R3HDM2: variants seen among roughly 807,000 people sequenced by gnomAD.
R3HDM2 encodes R3H domain containing 2, also known as R3H domain-containing protein 2.
A neutral mutation model predicts 124.5 loss-of-function variants in R3HDM2; 38 were observed. The observed-to-expected ratio is 0.31, with a 90% confidence interval of 0.24 to 0.40. The LOEUF (loss-of-function observed/expected upper bound fraction) is 0.40, where lower values mean the gene tolerates loss of function less well. Among genes scored for constraint, R3HDM2 ranks in the 10% least tolerant of loss-of-function variants. The probability of loss-of-function intolerance (pLI) is 1.00; values close to 1 mark genes in which losing one functional copy is unlikely to be tolerated. For synonymous variants in R3HDM2, 391 were observed against 448.0 expected, an observed-to-expected ratio of 0.87 and a Z score of 1.61; for missense variants, 869 against 1,236.9, an observed-to-expected ratio of 0.70 and a Z score of 4.46.
intron 12 of R3HDM2, 192 bp downstream of exon 12, chr12:57,288,817 T>C (rs1338554230): frequency 1.3e-6 from 2 of 1,486,060 alleles, no homozygotes; most frequent in South Asian, 2.5e-5. Flanking sequence ...CAAAATAAAA[T>C]TAAAAATAAA....
At chr12:57,360,047 A>ATAT (rs1566328941) in intron 2 of R3HDM2, among the ~76,000 whole-genome samples, 7 of 113,354 alleles carry the variant, frequency 6.2e-5, no homozygotes, top group South Asian at 2.9e-4. Context: ...ATATATATAT[A>ATAT]TTTTTTTTTT....
chr12:57,391,238 GA>G (rs541488361), intron 2 of R3HDM2, among the ~76,000 whole-genome samples: 5 of 152,060 alleles, frequency 3.3e-5, no homozygotes, highest in Non-Finnish European at 5.9e-5. Context: ...CTACACCATG[GA>G]ACGCTACTCA....
chr12:57,304,422 G>A, intron 3 of R3HDM2: 1 of 802,520 alleles, frequency 1.2e-6, no homozygotes, highest in Non-Finnish European at 1.5e-6. Context: ...GGGCGTAGAG[G>A]GAACTGAGGC....
chr12:57,271,194 T>G (rs2043515786), intron 14 of R3HDM2, among the ~76,000 whole-genome samples: 1 of 152,162 alleles, frequency 6.6e-6, no homozygotes, highest in Non-Finnish European at 1.5e-5. Context: ...TTTCCACCTT[T>G]GTTCTCTGAC....
intron 1 of R3HDM2, among the ~76,000 whole-genome samples, chr12:57,396,311 T>G (rs1315612007): frequency 1.3e-5 from 2 of 151,746 alleles, no homozygotes; most frequent in Admixed American, 6.6e-5. Flanking sequence ...CACGGTGGCA[T>G]GTGCCTGTAA....
chr12:57,418,287 C>G, intron 1 of R3HDM2: 1 of 985,384 alleles, frequency 1.0e-6, no homozygotes, highest in Non-Finnish European at 1.2e-6. Context: ...AGCTCTGATT[C>G]CTCTCCTCTA....
intron 2 of R3HDM2, among the ~76,000 whole-genome samples, chr12:57,318,987 A>G (rs1190317564): frequency 1.3e-5 from 2 of 152,192 alleles, no homozygotes; most frequent in African/African-American, 2.4e-5. Flanking sequence ...CCTCTAACTA[A>G]GGGGAGAAAT....
At chr12:57,422,389 G>A (rs983042720) in intron 1 of R3HDM2, among the ~76,000 whole-genome samples, 6 of 152,096 alleles carry the variant, frequency 3.9e-5, no homozygotes, top group African/African-American at 1.4e-4. Flanking sequence ...ATTCCCACAA[G>A]AATCCCATAT....
chr12:57,297,251 TCTC>T (rs1185178466), intron 8 of R3HDM2, 74 bp downstream of exon 8: 2 of 758,892 alleles, frequency 2.6e-6, no homozygotes, highest in Non-Finnish European at 4.4e-6. Flanking sequence ...AAGGGGAACA[TCTC>T]CTAAAATTGT....
At chr12:57,326,222 C>T (rs2057297470) in intron 2 of R3HDM2, among the ~76,000 whole-genome samples, 1 of 152,206 alleles carries the variant, frequency 6.6e-6, no homozygotes, top group African/African-American at 2.4e-5. Context: ...AATAACTCTA[C>T]AGTGGCCTCT....
In R3HDM2 at chr12:57,320,548, C is replaced by T. The variant is rs147146305; in HGVS notation, c.-35-10085G>A. On this transcript the variant is annotated intron_variant, in intron 2 of 23. Coordinates refer to ENST00000402412, the MANE Select transcript of R3HDM2 (RefSeq NM_001394031.1). ...CAGCCAAATAGTACAATTTCAAAGG[C>T]AAGATGTCTCCTGAGGATACTCAGT... 8.3e-3 allele frequency among the ~76,000 whole-genome samples: 1,258 copies of T among 152,058 alleles called. 8 individuals carry two copies. The highest frequency in any genetic ancestry group is 0.014 in the Non-Finnish European group (946 of 67,994).
chr12:57,348,666 C>A (rs1006225623), intron 2 of R3HDM2, among the ~76,000 whole-genome samples: 5 of 132,806 alleles, frequency 3.8e-5, no homozygotes, highest in African/African-American at 5.8e-5. Context: ...TATACTCTAG[C>A]CTGGGCGACA....
At chr12:57,348,948 G>T (rs1215421936) in intron 2 of R3HDM2, among the ~76,000 whole-genome samples, 2 of 152,142 alleles carry the variant, frequency 1.3e-5, no homozygotes, top group African/African-American at 2.4e-5. Context: ...TTTCATTTAT[G>T]TGTGAATTTT....
At position 57,395,837 on chromosome 12, in the gene R3HDM2, A is replaced by G; in HGVS notation, c.-105-19T>C. ...CTAACCTCTGGGGGAGGAGGGGGAA[A>G]AAAAAAAACAAGTTAAAAGCAATTT... On this transcript the variant is annotated intron_variant, in intron 1 of 23. Coordinates refer to ENST00000402412, the MANE Select transcript of R3HDM2 (RefSeq NM_001394031.1). 1 of 980,128 alleles carries G rather than the reference A, an allele frequency of 1.0e-6. No homozygotes were observed. Among genetic ancestry groups the G allele is most frequent in the Non-Finnish European group, 1.2e-6 (1 of 825,226 alleles). 60.7% of individuals were successfully genotyped at this position (980,128 alleles called of 1,614,324 possible).
At chr12:57,305,339 G>C (rs897346080) in intron 3 of R3HDM2, among the ~76,000 whole-genome samples, 3 of 151,602 alleles carry the variant, frequency 2.0e-5, no homozygotes, top group Admixed American at 2.0e-4. Flanking sequence ...CTTATTTTAC[G>C]AGTCTCTAAT....
intron 3 of R3HDM2, among the ~76,000 whole-genome samples, chr12:57,308,463 T>C (rs563555668): frequency 9.2e-4 from 130 of 142,036 alleles, no homozygotes; most frequent in Non-Finnish European, 1.7e-3. Context: ...GGCGGGCAGA[T>C]CACCTGAGGT....
intron 3 of R3HDM2, among the ~76,000 whole-genome samples, chr12:57,307,257 G>C (rs995556811): frequency 6.6e-6 from 1 of 152,058 alleles, no homozygotes; most frequent in African/African-American, 2.4e-5. Context: ...TTCTTGGGGA[G>C]ACTTCTAGGG....
intron 2 of R3HDM2, among the ~76,000 whole-genome samples, chr12:57,363,641 C>G (rs1448745227): frequency 1.3e-5 from 2 of 152,162 alleles, no homozygotes; most frequent in Admixed American, 1.3e-4. Flanking sequence ...CTCATCTGAT[C>G]ATTACACATT....
chr12:57,421,827 T>TGGCTCATGCC lies in R3HDM2; in HGVS notation c.-106+8883_-106+8892dup, dbSNP rs1266017147. The stretch of plus-strand genomic sequence containing the variant: ...AGCCTATCTATTAAATATCTCATGG[T>TGGCTCATGCC]GGCTCATGCCTGTAATCCCAGCACT... On this transcript the variant is annotated intron_variant, in intron 1 of 23. Coordinates refer to ENST00000402412, the MANE Select transcript of R3HDM2 (RefSeq NM_001394031.1). Among the ~76,000 whole-genome samples the TGGCTCATGCC allele has an allele frequency of 2.6e-5, 4 of 152,156 alleles. No individual in the cohort carries two copies. In the East Asian group the frequency reaches 7.7e-4, roughly 29 times the overall value.
Sources: allele counts gnomAD v4.1 joint callset (sites outside exome capture counted in the v4.1 genomes callset), GRCh38; gene constraint gnomAD v4.1.1; transcripts MANE v1.5; gene names NCBI Gene and HGNC (gene_info 2026-07-23, HGNC 2026-07-21).